LAMC3: variants seen among roughly 807,000 people sequenced by gnomAD.
LAMC3 encodes the protein laminin subunit gamma-3.
Under a neutral mutation model 173.8 loss-of-function variants are expected in LAMC3, and 128 were observed. The ratio of observed to expected loss-of-function variants is 0.74; its 90% confidence interval spans 0.64 to 0.85. The LOEUF is 0.85. LAMC3 is among the 40% of genes least tolerant of loss of function. The pLI is 0.00. For synonymous variants in LAMC3, 897 were observed against 909.1 expected (o/e 0.99, Z 0.24); for missense variants, 2,022 against 2,156.0 (o/e 0.94, Z 1.23).
At chr9:131,081,980 G>A in intron 23 of LAMC3, 79 bp from the exon 24 acceptor site, 1 of 1,003,008 alleles carries the variant, frequency 1.0e-6, no homozygotes, top group Non-Finnish European at 1.6e-6. Context: ...CCATGTATGT[G>A]GGTTTGGTGC....
At chr9:131,013,607 T>C (rs115491381) in intron 1 of LAMC3, among the ~76,000 whole-genome samples, 11,871 of 152,130 alleles carry the variant, frequency 0.078, 520 homozygotes, top group Middle Eastern at 0.15. Flanking sequence ...TACTGAGCAG[T>C]GCTGAGAACG....
rs1829951516 is a variant in LAMC3, at chr9:131,067,101, ACTGCCTGCG to A, written c.2498_2506del (p.Arg833_Leu835del). On this transcript the variant is annotated inframe_deletion, in exon 14 of 28. Transcript: ENST00000361069. ...GGCAACTGTGACCCCCTGTCTGGCCACTGCCTGCGCTGCCTGCACAACACCACGGGTGAC... is the reference window on the plus strand; with the variant it reads ...GGCAACTGTGACCCCCTGTCTGGCCACTGCCTGCACAACACCACGGGTGAC... 1 of 1,614,108 alleles carries A rather than the reference ACTGCCTGCG, an allele frequency of 6.2e-7. No individual in the cohort carries two copies. The highest frequency in any genetic ancestry group is 8.5e-7 in the Non-Finnish European group (1 of 1,180,008).
chr9:131,027,589 CATATTTTATTATTA>C (rs1202973260), intron 2 of LAMC3, among the ~76,000 whole-genome samples: 10 of 151,838 alleles, frequency 6.6e-5, no homozygotes, highest in South Asian at 2.1e-4. Flanking sequence ...AACTGGATTT[CATATTTTATTATTA>C]ATATTTTATT....
At position 131,068,963 on chromosome 9, in the gene LAMC3, C is replaced by T; in HGVS notation, c.2803C>T (p.Gln935Ter). 1 of 1,614,106 alleles carries T rather than the reference C, an allele frequency of 6.2e-7. No homozygotes were observed. Among genetic ancestry groups the T allele is most frequent in the African/African-American group, 1.3e-5 (1 of 75,044 alleles). ...QEDQCHPKTG[Q>*]CTCRPGVTGQ... ...GGACCAGTGCCATCCCAAGACTGGA[C>T]AGTGCACCTGCCGCCCAGGTGTCAC... The change falls in exon 16 of 28, where the codon CAG becomes TAG. Residue 935 changes from glutamine (Q) to a stop codon, truncating the protein, a stop_gained. Transcript: ENST00000361069. LOFTEE classifies it high-confidence loss of function.
At chr9:131,021,583 T>C (rs1041365035) in intron 1 of LAMC3, among the ~76,000 whole-genome samples, 1 of 152,136 alleles carries the variant, frequency 6.6e-6, no homozygotes, top group African/African-American at 2.4e-5. Context: ...CGTGGGTTTT[T>C]CCCCCACCCA....
At chr9:131,067,852 G>A (rs879749550) in intron 14 of LAMC3, among the ~76,000 whole-genome samples, 3 of 152,188 alleles carry the variant, frequency 2.0e-5, no homozygotes, top group Admixed American at 1.3e-4. Flanking sequence ...CAGAAGGATT[G>A]TCTGTTACCA....
chr9:131,068,166 T>C lies in LAMC3; in HGVS notation c.2682T>C (p.Thr894=), dbSNP rs756502140. ...AATGCTCCTGCCTGCCTCATGTGAC[T>C]GCACGGGACTGCAGCCGCTGCTACC... The part of the protein sequence containing the change: ...TGQCSCLPHV[T]ARDCSRCYPG... Residue 894 remains threonine, a synonymous_variant, in exon 15 of 28, where the codon ACT becomes ACC. Transcript: ENST00000361069. 6.2e-7 allele frequency: 1 copy of C among 1,613,364 alleles called. No homozygotes were observed. The highest frequency in any genetic ancestry group is 1.1e-5 in the South Asian group (1 of 91,088).
chr9:131,053,430 T>C (rs543276936), intron 11 of LAMC3, among the ~76,000 whole-genome samples: 25 of 152,308 alleles, frequency 1.6e-4, no homozygotes, highest in African/African-American at 6.0e-4. Flanking sequence ...GGCCAAGCCA[T>C]CACACATCAT....
chr9:131,025,314 C>A (rs1833696284), intron 1 of LAMC3, among the ~76,000 whole-genome samples: 1 of 152,162 alleles, frequency 6.6e-6, no homozygotes, highest in Non-Finnish European at 1.5e-5. Flanking sequence ...TGGGAACCCC[C>A]TTCCCTCTAC....
At chr9:131,061,398 G>T (rs544608915) in intron 13 of LAMC3, among the ~76,000 whole-genome samples, 175 bp downstream of exon 13, 1 of 152,322 alleles carries the variant, frequency 6.6e-6, no homozygotes, top group Admixed American at 6.5e-5. Flanking sequence ...CAGCCCCATA[G>T]CCAGAGCCCC....
chr9:131,056,494 G>A (rs1331057995), intron 11 of LAMC3, among the ~76,000 whole-genome samples: 51 of 139,904 alleles, frequency 3.6e-4, no homozygotes, highest in South Asian at 8.9e-4. Flanking sequence ...TTGACAATTT[G>A]AAAAATAAAA....
rs199770640 is a variant in LAMC3, at chr9:131,085,545, G to C, written c.4052G>C (p.Arg1351Pro). 28 of 1,613,972 alleles carry C rather than the reference G, an allele frequency of 1.7e-5. No individual in the cohort carries two copies. In the East Asian group the frequency reaches 5.8e-4, roughly 33 times the overall value. The change falls in exon 25 of 28, where the codon CGG (arginine) becomes CCG (proline). Residue 1351 changes from arginine to proline, a missense_variant. By Grantham distance (103) the Arg-to-Pro change is moderately radical. Transcript: ENST00000361069. Reference sequence around the variant, plus strand: ...GCAGGAATGAAGCTGCAGTTTCCCCGGCCCAAGGACCAGGCGGCATTGCAG... The same window carrying C: ...GCAGGAATGAAGCTGCAGTTTCCCCCGCCCAAGGACCAGGCGGCATTGCAG... ...DLEGMKLQFPRPKDQAALQRK... is the reference protein window; with the variant it reads ...DLEGMKLQFPPPKDQAALQRK...
In LAMC3 at chr9:131,009,699, A is replaced by G. The variant is rs1833377314; in HGVS notation, c.373+112A>G. On this transcript the variant is annotated intron_variant, in intron 1 of 27. Transcript: ENST00000361069. This position sits in a 1 kb window ranked among gnomAD's most constrained non-coding sequence, Gnocchi z 4.3. ...CCAGGTTGGGCTGCAGGACCCAGAT[A>G]TGGTGTTGGATGGAGGGGCTCAGAA... 8 of 1,250,006 alleles carry G rather than the reference A, an allele frequency of 6.4e-6. No individual in the cohort carries two copies. Among genetic ancestry groups the G allele is most frequent in the East Asian group, 2.6e-5 (1 of 37,834 alleles). The allele number at this position is 1,250,006 out of a possible 1,614,324, so 77.4% of individuals were successfully genotyped here. A position where few individuals can be genotyped will look rare whatever the true frequency, so the allele number is the denominator to read the frequency against.
At chr9:131,012,202 G>A (rs1407768164) in intron 1 of LAMC3, among the ~76,000 whole-genome samples, 4 of 152,140 alleles carry the variant, frequency 2.6e-5, no homozygotes, top group African/African-American at 9.7e-5. Context: ...CCTCTGTCCT[G>A]TGCTCTGGGG....
intron 13 of LAMC3, among the ~76,000 whole-genome samples, chr9:131,066,333 A>G (rs968293598): frequency 2.0e-5 from 3 of 151,872 alleles, no homozygotes; most frequent in Non-Finnish European, 4.4e-5. Context: ...TCTACTAAAA[A>G]TACAAAAATT....
Position 131,039,118 on chromosome 9 carries a change from C to G in LAMC3, c.1166-13C>G. The G allele has an allele frequency of 6.2e-7, 1 of 1,611,678 alleles. No homozygotes were observed. Among genetic ancestry groups the G allele is most frequent in the Non-Finnish European group, 8.5e-7 (1 of 1,179,956 alleles). Reference sequence around the variant, plus strand: ...TTCCTGGCCTCAATTGCCCTGTGCCCTTCCTCTCCCAGGCTCCCTACACCT... The same window carrying G: ...TTCCTGGCCTCAATTGCCCTGTGCCGTTCCTCTCCCAGGCTCCCTACACCT... On this transcript the variant is annotated splice_polypyrimidine_tract_variant and intron_variant, in intron 5 of 27. Coordinates refer to ENST00000361069, the MANE Select transcript of LAMC3 (RefSeq NM_006059.4).
At position 131,010,464 on chromosome 9, in the gene LAMC3, A is replaced by G. The variant is rs115506662; in HGVS notation, c.373+877A>G. Among the ~76,000 whole-genome samples the G allele has an allele frequency of 3.3e-3, 507 of 152,350 alleles. 5 individuals are homozygous for G. Among genetic ancestry groups the G allele is most frequent in the African/African-American group, 0.011 (478 of 41,586 alleles). On this transcript the variant is annotated intron_variant, in intron 1 of 27. Coordinates refer to ENST00000361069, the MANE Select transcript of LAMC3 (RefSeq NM_006059.4). ...TGCTGAGCTTTGGTTCTAGGTTGCA[A>G]TTATAATCCCCTGTAATGGTTTTCC...
chr9:131,013,426 C>G (rs1833460103), intron 1 of LAMC3, among the ~76,000 whole-genome samples: 1 of 152,168 alleles, frequency 6.6e-6, no homozygotes, highest in Admixed American at 6.5e-5. Flanking sequence ...TGCCCTCCCT[C>G]CCCCGCAGGT....
chr9:131,036,414 G>T (rs1289773995), intron 4 of LAMC3, 82 bp downstream of exon 4: 5 of 1,518,650 alleles, frequency 3.3e-6, no homozygotes, highest in Admixed American at 3.5e-5. Flanking sequence ...AAACGTCGTG[G>T]TGGGGGCTGC....
Sources: allele counts gnomAD v4.1 joint callset (sites outside exome capture counted in the v4.1 genomes callset), GRCh38; gene constraint gnomAD v4.1.1; non-coding constraint Gnocchi (gnomAD v3.1); transcripts MANE v1.5; gene names NCBI Gene and HGNC (gene_info 2026-07-23, HGNC 2026-07-21).